GLRX: variants seen among roughly 807,000 people sequenced by gnomAD.
GLRX encodes glutaredoxin, also known as glutaredoxin-1.
Under a neutral mutation model 11.1 loss-of-function variants are expected in GLRX, and 9 were observed. The observed-to-expected ratio is 0.81, with a 90% CI of 0.49 to 1.42. The LOEUF (loss-of-function observed/expected upper bound fraction) is 1.42, where lower values mean the gene tolerates loss of function less well. GLRX is among the 40% of genes most tolerant of loss of function. The pLI is 0.00. For synonymous variants in GLRX, 49 were observed against 49.5 expected (o/e 0.99, Z 0.04); for missense variants, 102 against 126.2 (o/e 0.81, Z 0.92).
chr5:95,816,434 A>AG (rs1746994618), intron 2 of GLRX, 73 bp downstream of exon 2: 2 of 780,792 alleles, frequency 2.6e-6, no homozygotes, highest in Admixed American at 1.8e-5. Flanking sequence ...GCTGTCATAC[A>AG]GTATAACAAA....
chr5:95,819,892 C>T (rs12523440), intron 1 of GLRX, among the ~76,000 whole-genome samples: 4,866 of 81,370 alleles, frequency 0.06, 108 homozygotes, highest in South Asian at 0.11. Context: ...AGGGAGACTC[C>T]GTCTCAAAAA....
rs1196890689 is a variant in GLRX at position 95,820,533 on chromosome 5, A to AC, written c.207+1922dup. On this transcript the variant is annotated intron_variant, in intron 1 of 2. Transcript: ENST00000237858. ...AGACCAGGTTGGCCAGCATGGTGAAACCCCATCTCTAATAAAAATACAAAA... is the reference window on the plus strand; with the variant it reads ...AGACCAGGTTGGCCAGCATGGTGAAACCCCCATCTCTAATAAAAATACAAAA... Among the ~76,000 whole-genome samples, 8 of 151,228 alleles carry AC rather than the reference A, an allele frequency of 5.3e-5. No individual in the cohort carries two copies. In the South Asian group the frequency reaches 1.0e-3, roughly 20 times the overall value.
At chr5:95,817,231 A>T (rs1436996378) in intron 1 of GLRX, 1 of 152,598 alleles carries the variant, frequency 6.6e-6, no homozygotes, top group African/African-American at 2.4e-5. Context: ...CCTAGGTAAC[A>T]TCGTGAGACC....
At chr5:95,816,293 T>C (rs939164953) in intron 2 of GLRX, 4 of 504,334 alleles carry the variant, frequency 7.9e-6, no homozygotes, top group Admixed American at 3.5e-5. Context: ...TTAATAAATA[T>C]TTCTTAAATG....
intron 1 of GLRX, among the ~76,000 whole-genome samples, chr5:95,819,815 C>T (rs930612415): frequency 2.1e-5 from 3 of 139,894 alleles, no homozygotes; most frequent in Admixed American, 8.0e-5. Flanking sequence ...AGGAGAATAG[C>T]GTGAACCCGG....
chr5:95,815,094 C>G (rs777949229), intron 2 of GLRX: 1 of 152,256 alleles, frequency 6.6e-6, no homozygotes, highest in African/African-American at 2.4e-5. Flanking sequence ...AAAATACTGA[C>G]AGCATAGAAC....
In GLRX at chr5:95,822,541, C is replaced by T. The variant is rs755026831; in HGVS notation, c.122G>A (p.Gly41Glu). The change falls in exon 1 of 3, where the codon GGG (glycine) becomes GAG (glutamate). Residue 41 changes from glycine to glutamate, a missense_variant. By Grantham distance (98) the Gly-to-Glu change is moderately conservative. Coordinates refer to ENST00000237858, the MANE Select transcript of GLRX (RefSeq NM_001118890.2). ...TGTGATATCGACAAATTCCAGAAGCCCTTGTTTGATGGGCAATTGACTGAG... is the reference window on the plus strand; with the variant it reads ...TGTGATATCGACAAATTCCAGAAGCTCTTGTTTGATGGGCAATTGACTGAG... ...EILSQLPIKQGLLEFVDITAT... is the reference protein window; with the variant it reads ...EILSQLPIKQELLEFVDITAT... 1.2e-6 allele frequency: 2 copies of T among 1,613,816 alleles called. No individual in the cohort carries two copies. The highest frequency in any genetic ancestry group is 1.7e-6 in the Non-Finnish European group (2 of 1,179,816).
At chr5:95,819,369 A>C (rs1747128850) in intron 1 of GLRX, 1 of 152,254 alleles carries the variant, frequency 6.6e-6, no homozygotes, top group Non-Finnish European at 1.5e-5. Context: ...ACCTTGCAAG[A>C]AATGCCCAAA....
intron 1 of GLRX, among the ~76,000 whole-genome samples, chr5:95,819,885 G>C: frequency 9.4e-6 from 1 of 106,510 alleles, no homozygotes; most frequent in Admixed American, 1.3e-4. Context: ...GGCACAGAGG[G>C]AGACTCCGTC....
At chr5:95,820,585 C>T (rs932126219) in intron 1 of GLRX, among the ~76,000 whole-genome samples, 4 of 148,434 alleles carry the variant, frequency 2.7e-5, no homozygotes, top group African/African-American at 5.0e-5. Context: ...GGCAGGTGCC[C>T]GTAATTCCAG....
intron 1 of GLRX, 90 bp downstream of exon 1, chr5:95,822,366 G>C (rs1392827198): frequency 1.8e-6 from 2 of 1,089,414 alleles, no homozygotes; most frequent in African/African-American, 3.1e-5. Flanking sequence ...TTGAAGTACG[G>C]AGCCGCAGCC....
At chr5:95,815,696 T>C (rs1650116764) in intron 2 of GLRX, among the ~76,000 whole-genome samples, 1 of 152,206 alleles carries the variant, frequency 6.6e-6, no homozygotes, top group African/African-American at 2.4e-5. Flanking sequence ...ACGGTTCCCT[T>C]CTGAAATGTT....
intron 2 of GLRX, among the ~76,000 whole-genome samples, chr5:95,815,905 C>T (rs1403839275): frequency 6.6e-6 from 1 of 152,236 alleles, no homozygotes; most frequent in Admixed American, 6.5e-5. Flanking sequence ...GCTCTGGCCC[C>T]TGCCCACCTT....
Position 95,822,566 on chromosome 5 carries a change from G to A in GLRX, c.97C>T (p.Leu33Phe), listed in dbSNP as rs1315127248. ...CPYCRRAQEILSQLPIKQGLL... is the reference protein window; with the variant it reads ...CPYCRRAQEIFSQLPIKQGLL... ...CCTTGTTTGATGGGCAATTGACTGA[G>A]GATCTCTTGGGCCCTCCTGCAGTAC... Residue 33 changes from leucine to phenylalanine, a missense_variant, in exon 1 of 3, where the codon CTC (leucine) becomes TTC (phenylalanine). Physicochemically the swap from Leu to Phe is conservative, Grantham distance 22. Transcript: ENST00000237858. The A allele has an allele frequency of 6.2e-7, 1 of 1,613,790 alleles. No individual in the cohort carries two copies. Among genetic ancestry groups the A allele is most frequent in the Non-Finnish European group, 8.5e-7 (1 of 1,179,680 alleles).
chr5:95,822,525 G>A lies in GLRX; in HGVS notation c.138C>T (p.Val46=), dbSNP rs372840447. Residue 46 remains valine (V), a synonymous_variant, in exon 1 of 3, where the codon GTC becomes GTT. Coordinates refer to ENST00000237858, the MANE Select transcript of GLRX (RefSeq NM_001118890.2). ...TAGTGTGGTTGGTGGCTGTGATATC[G>A]ACAAATTCCAGAAGCCCTTGTTTGA... is the stretch of plus-strand genomic sequence containing the variant. ...LPIKQGLLEF[V]DITATNHTNE... is the part of the protein sequence containing the mutation. 23 of 1,613,712 alleles carry A rather than the reference G, an allele frequency of 1.4e-5. No homozygotes were observed. The highest frequency in any genetic ancestry group is 1.9e-5 in the Non-Finnish European group (22 of 1,179,796).
chr5:95,817,878 T>A (rs1747065760), intron 1 of GLRX: 1 of 152,154 alleles, frequency 6.6e-6, no homozygotes, highest in Non-Finnish European at 1.5e-5. Flanking sequence ...GCATAATAAT[T>A]GGAGCAAATT....
intron 2 of GLRX, among the ~76,000 whole-genome samples, chr5:95,815,763 A>G (rs1580444714): frequency 6.6e-6 from 1 of 152,268 alleles, no homozygotes; most frequent in East Asian, 1.9e-4. Context: ...CTGATTTTAG[A>G]AAACTTTGTT....
chr5:95,820,369 A>AC (rs1400466785), intron 1 of GLRX, among the ~76,000 whole-genome samples: 1 of 150,784 alleles, frequency 6.6e-6, no homozygotes, highest in Non-Finnish European at 1.5e-5. Context: ...AAAAAAAAAA[A>AC]AAAAAACCTT....
intron 2 of GLRX, among the ~76,000 whole-genome samples, chr5:95,815,916 T>G (rs1294944302): frequency 6.6e-6 from 1 of 152,210 alleles, no homozygotes; most frequent in East Asian, 1.9e-4. Context: ...TGCCCACCTT[T>G]CTCGCTATTC....
Sources: gnomAD v4.1 joint callset for allele counts (sites outside exome capture counted in the v4.1 genomes callset) on GRCh38, gnomAD v4.1.1 for gene constraint, MANE v1.5 for transcripts, NCBI Gene and HGNC (gene_info 2026-07-23, HGNC 2026-07-21) for gene names.